Variants in FYB2 observed in about 807,000 individuals in gnomAD.
FYB2 encodes FYN-binding protein 2.
FYB2 carries 103 observed loss-of-function variants against 94.1 expected under a neutral mutation model. The ratio of observed to expected loss-of-function variants is 1.09; its 90% confidence interval spans 0.93 to 1.29. FYB2 has a LOEUF of 1.29. Among genes scored for constraint, FYB2 ranks in the 50% most tolerant of loss-of-function variants. The probability of loss-of-function intolerance (pLI) is 0.00; values close to 1 mark genes in which losing one functional copy is unlikely to be tolerated. For missense variants in FYB2, 896 were observed against 841.5 expected, an observed-to-expected ratio of 1.06 and a Z score of -0.80; for synonymous variants, 293 against 287.9, an observed-to-expected ratio of 1.02 and a Z score of -0.18.
chr1:56,761,334 T>C (rs576468388), intron 5 of FYB2, among the ~76,000 whole-genome samples: 4 of 152,224 alleles, frequency 2.6e-5, no homozygotes, highest in Non-Finnish European at 5.9e-5. Flanking sequence ...ACTACTAATA[T>C]TCCAATTTTA....
chr1:56,730,635 T>C (rs1644687483), intron 15 of FYB2, among the ~76,000 whole-genome samples: 1 of 151,916 alleles, frequency 6.6e-6, no homozygotes, highest in Non-Finnish European at 1.5e-5. Flanking sequence ...TGAGATTGAA[T>C]CAGTAATAAA....
At chr1:56,823,501 C>T (rs1038335609), upstream of FYB2, among the ~76,000 whole-genome samples, 2 of 152,096 alleles carry the variant, frequency 1.3e-5, no homozygotes, top group African/African-American at 4.8e-5. Context: ...CAAGAAAGGT[C>T]TTGCTTCCAT....
chr1:56,808,755 T>G (rs746937031), intron 1 of FYB2, among the ~76,000 whole-genome samples: 17 of 152,204 alleles, frequency 1.1e-4, no homozygotes, highest in Non-Finnish European at 1.9e-4. Flanking sequence ...AGGAGAGCAC[T>G]GAGTAGATCT....
intron 4 of FYB2, among the ~76,000 whole-genome samples, chr1:56,770,668 A>G (rs1431208197): frequency 6.6e-6 from 1 of 152,198 alleles, no homozygotes; most frequent in Non-Finnish European, 1.5e-5. Context: ...AGGTTATTTT[A>G]ATATGCAAAA....
intron 1 of FYB2, among the ~76,000 whole-genome samples, chr1:56,795,518 A>G (rs1646376440): frequency 6.6e-6 from 1 of 152,088 alleles, no homozygotes; most frequent in South Asian, 2.1e-4. Context: ...GCTGGACTAT[A>G]TGGTAATTCT....
chr1:56,808,960 A>G (rs1182366465), intron 1 of FYB2, among the ~76,000 whole-genome samples: 1 of 152,302 alleles, frequency 6.6e-6, no homozygotes, highest in Admixed American at 6.5e-5. Context: ...TGTGAACCCA[A>G]GCTACCAAGT....
At chr1:56,810,141 T>C (rs1049637257) in intron 1 of FYB2, among the ~76,000 whole-genome samples, 2 of 152,184 alleles carry the variant, frequency 1.3e-5, no homozygotes, top group Non-Finnish European at 2.9e-5. Flanking sequence ...ATGAAATGAC[T>C]GTGGCAGAGT....
chr1:56,721,650 T>C (rs1403003997), intron 17 of FYB2, among the ~76,000 whole-genome samples: 2 of 152,038 alleles, frequency 1.3e-5, no homozygotes, highest in Non-Finnish European at 2.9e-5. Flanking sequence ...TGGGGTCCAT[T>C]GCATACTGTC....
chr1:56,764,877 C>T (rs564165899), intron 5 of FYB2, among the ~76,000 whole-genome samples: 2 of 152,342 alleles, frequency 1.3e-5, no homozygotes, highest in East Asian at 3.9e-4. Flanking sequence ...TGTCTTCTCA[C>T]TGTGCCCTCA....
At position 56,813,622 on chromosome 1, in the gene FYB2, T is replaced by C. The variant is rs1038899332; in HGVS notation, c.9+5660A>G. ...CTTCAAATAAGGTCACATTCTGAGGTGCTGGGGGTTAGGACTTCAACATGA... is the reference window on the plus strand; with the variant it reads ...CTTCAAATAAGGTCACATTCTGAGGCGCTGGGGGTTAGGACTTCAACATGA... On this transcript the variant is annotated intron_variant, in intron 1 of 19. Transcript: ENST00000343433. 5.9e-5 allele frequency among the ~76,000 whole-genome samples: 9 copies of C among 152,050 alleles called. No homozygotes were observed. The East Asian group carries it at 1.5e-3, about 26-fold the overall frequency.
At chr1:56,776,377 T>C in intron 4 of FYB2, among the ~76,000 whole-genome samples, 1 of 152,176 alleles carries the variant, frequency 6.6e-6, no homozygotes, top group East Asian at 1.9e-4. Context: ...ACCTATAATT[T>C]GAGGTTAAGG....
At chr1:56,757,747 T>TTTCC (rs1557617422) in intron 6 of FYB2, among the ~76,000 whole-genome samples, 39 of 128,876 alleles carry the variant, frequency 3.0e-4, no homozygotes, top group African/African-American at 9.5e-4. Context: ...TCTTTCTTTC[T>TTTCC]TTCTTTCTTT....
upstream of FYB2, among the ~76,000 whole-genome samples, chr1:56,821,611 C>A (rs1646992700): frequency 6.6e-6 from 1 of 152,228 alleles, no homozygotes; most frequent in Admixed American, 6.5e-5. Flanking sequence ...GGTTGCTTAG[C>A]AATGAGTAAA....
chr1:56,751,594 G>A (rs1463556608), intron 8 of FYB2, among the ~76,000 whole-genome samples: 1 of 151,996 alleles, frequency 6.6e-6, no homozygotes, highest in Non-Finnish European at 1.5e-5. Context: ...AATCTACCTA[G>A]GCAGGACTTG....
intron 1 of FYB2, among the ~76,000 whole-genome samples, chr1:56,802,087 C>T (rs1216876663): frequency 3.9e-5 from 6 of 152,232 alleles, no homozygotes; most frequent in Non-Finnish European, 8.8e-5. Flanking sequence ...AGCAGGAGAA[C>T]ACAGTGGGCA....
chr1:56,784,131 G>C (rs545869641), intron 4 of FYB2, among the ~76,000 whole-genome samples: 14 of 152,220 alleles, frequency 9.2e-5, no homozygotes, highest in Admixed American at 9.2e-4. Context: ...AATACAGCTA[G>C]AACACAAAGA....
Position 56,803,197 on chromosome 1 carries a change from G to T in FYB2, c.10-10394C>A, listed in dbSNP as rs530273147. ...ATCCTAGTGTGGTCTGAGACAGCATGCTGTGATCAAACATGTTACCATTTC... is the reference window on the plus strand; with the variant it reads ...ATCCTAGTGTGGTCTGAGACAGCATTCTGTGATCAAACATGTTACCATTTC... On this transcript the variant is annotated intron_variant, in intron 1 of 19. Coordinates refer to ENST00000343433, the MANE Select transcript of FYB2 (RefSeq NM_001004303.5). 3.3e-5 allele frequency among the ~76,000 whole-genome samples: 5 copies of T among 152,264 alleles called. No homozygotes were observed. In the East Asian group the frequency reaches 9.6e-4, roughly 29 times the overall value.
At chr1:56,756,001 T>C (rs1198270409) in intron 6 of FYB2, 74 bp from the exon 7 acceptor site, 29 of 1,423,538 alleles carry the variant, frequency 2.0e-5, no homozygotes, top group Non-Finnish European at 2.9e-5. Context: ...TTACAGATCA[T>C]TAGAGACTAC....
chr1:56,720,098 A>G, intron 18 of FYB2, 43 bp from the exon 19 acceptor site: 1 of 1,592,336 alleles, frequency 6.3e-7, no homozygotes, highest in East Asian at 2.2e-5. Flanking sequence ...AGTTATAGAG[A>G]AAATGTTTTT....
Sources: gnomAD v4.1 joint callset for allele counts (sites outside exome capture counted in the v4.1 genomes callset) on GRCh38, gnomAD v4.1.1 for gene constraint, MANE v1.5 for transcripts, NCBI Gene and HGNC (gene_info 2026-07-23, HGNC 2026-07-21) for gene names.